The following AFF3 variants were observed in gnomAD, a reference collection of about 807,000 sequenced individuals.
AFF3 encodes AF4/FMR2 family member 3.
AFF3 carries 32 observed loss-of-function variants against 129.7 expected under a neutral mutation model. That is an observed-to-expected ratio of 0.25 (90% CI 0.19 to 0.33). The LOEUF is 0.33. Among genes scored for constraint, AFF3 ranks in the 10% least tolerant of loss-of-function variants. The pLI is 1.00. For synonymous variants in AFF3, 644 were observed against 635.4 expected, an observed-to-expected ratio of 1.01 and a Z score of -0.20; for missense variants, 1,373 against 1,592.0, an observed-to-expected ratio of 0.86 and a Z score of 2.34.
At chr2:100,137,084 T>G (rs1692668141) in intron 1 of AFF3, among the ~76,000 whole-genome samples, 1 of 152,260 alleles carries the variant, frequency 6.6e-6, no homozygotes, top group Non-Finnish European at 1.5e-5. Flanking sequence ...ATTTTACTGC[T>G]GATACAAACA....
intron 22 of AFF3, among the ~76,000 whole-genome samples, chr2:99,557,400 C>T (rs922514666): frequency 1.3e-5 from 2 of 151,992 alleles, no homozygotes; most frequent in African/African-American, 2.4e-5. Flanking sequence ...GTGCCTCAGC[C>T]TCCCTAGTAG....
intron 7 of AFF3, among the ~76,000 whole-genome samples, chr2:99,973,690 T>G (rs1304512392): frequency 1.3e-5 from 2 of 151,318 alleles, no homozygotes; most frequent in Non-Finnish European, 2.9e-5. Flanking sequence ...CCATCTTCAG[T>G]TTTTTTTTCC....
At chr2:99,940,857 A>G (rs560704051) in intron 7 of AFF3, among the ~76,000 whole-genome samples, 1 of 152,302 alleles carries the variant, frequency 6.6e-6, no homozygotes, top group South Asian at 2.1e-4. Flanking sequence ...TGTTAACAAC[A>G]GTGTCGAAAA....
chr2:100,022,348 T>C (rs895061415), intron 4 of AFF3, among the ~76,000 whole-genome samples: 1 of 152,198 alleles, frequency 6.6e-6, no homozygotes, highest in East Asian at 1.9e-4. Flanking sequence ...TGAAGTCTAC[T>C]CTAACAATGT....
At chr2:99,763,435 C>A (rs1682774121) in intron 8 of AFF3, among the ~76,000 whole-genome samples, 1 of 152,178 alleles carries the variant, frequency 6.6e-6, no homozygotes, top group Non-Finnish European at 1.5e-5. Context: ...GTAATCCCAG[C>A]ACTTTGGGAT....
intron 7 of AFF3, chr2:100,006,281 CT>C (rs1242826648): frequency 1.1e-5 from 2 of 177,780 alleles, no homozygotes; most frequent in African/African-American, 4.7e-5. Flanking sequence ...GCTTTTCTTA[CT>C]TCTGAATCAC....
intron 7 of AFF3, among the ~76,000 whole-genome samples, chr2:99,995,242 A>AT (rs1171066588): frequency 2.0e-5 from 3 of 152,100 alleles, no homozygotes; most frequent in African/African-American, 7.2e-5. Flanking sequence ...AAAAGAAAGC[A>AT]TTTTTTCTTG....
intron 8 of AFF3, among the ~76,000 whole-genome samples, chr2:99,757,735 C>A (rs1558821550): frequency 6.6e-6 from 1 of 152,156 alleles, no homozygotes; most frequent in African/African-American, 2.4e-5. Flanking sequence ...CCTGAATATA[C>A]CACGCTTTGC....
intron 4 of AFF3, among the ~76,000 whole-genome samples, chr2:100,073,931 A>T (rs1173200668): frequency 6.6e-6 from 1 of 152,012 alleles, no homozygotes; most frequent in Non-Finnish European, 1.5e-5. Flanking sequence ...AAATTGTTAA[A>T]TTACAAAAAA....
At chr2:99,740,136 G>A (rs9798375) in intron 10 of AFF3, among the ~76,000 whole-genome samples, 110,914 of 150,732 alleles carry the variant, frequency 0.74, 41,626 homozygotes, top group East Asian at 0.92. Flanking sequence ...TACAAAGGAC[G>A]TGAACTCATC....
At chr2:99,854,083 T>C (rs1027913403) in intron 7 of AFF3, among the ~76,000 whole-genome samples, 3 of 152,184 alleles carry the variant, frequency 2.0e-5, no homozygotes, top group African/African-American at 7.2e-5. Context: ...TCCTTTTGTA[T>C]CTGGATCATA....
At chr2:99,961,085 T>C (rs1677168165) in intron 7 of AFF3, among the ~76,000 whole-genome samples, 1 of 152,150 alleles carries the variant, frequency 6.6e-6, no homozygotes, top group African/African-American at 2.4e-5. Context: ...CTGTGGAGCT[T>C]CAGTCATCAT....
chr2:99,563,810 CAAA>C (rs34843347), intron 20 of AFF3, among the ~76,000 whole-genome samples: 1 of 76,074 alleles, frequency 1.3e-5, no homozygotes, highest in Non-Finnish European at 2.4e-5. Context: ...AATTTAGTCT[CAAA>C]AAAAAAAAAA....
rs76541495 is a variant in AFF3 at position 99,812,546 on chromosome 2, A to G, written c.921+24931T>C. On this transcript the variant is annotated intron_variant, in intron 8 of 24. Transcript: ENST00000672756. ...CAGTCATATTGATGACAGATACGAA[A>G]AAACATGGTCGTTGGTATCATAGAG... 4.3e-3 allele frequency among the ~76,000 whole-genome samples: 651 copies of G among 152,352 alleles called. 7 individuals carry two copies. Among genetic ancestry groups the G allele is most frequent in the African/African-American group, 0.015 (622 of 41,590 alleles).
chr2:100,127,517 C>T (rs1299821162), intron 2 of AFF3, among the ~76,000 whole-genome samples: 1 of 152,204 alleles, frequency 6.6e-6, no homozygotes, highest in Non-Finnish European at 1.5e-5. Flanking sequence ...CCTGTGGAGT[C>T]CCTGACCTCC....
chr2:100,139,307 TA>T (rs1296999104), intron 1 of AFF3, among the ~76,000 whole-genome samples: 2 of 152,214 alleles, frequency 1.3e-5, no homozygotes, highest in African/African-American at 4.8e-5. Context: ...TCATTCCATT[TA>T]ACATGTCCCC....
rs1049786804 is a variant in AFF3, at chr2:100,030,331, G to A, written c.54-21399C>T. Among the ~76,000 whole-genome samples, 4 of 152,104 alleles carry A rather than the reference G, an allele frequency of 2.6e-5. No homozygotes were observed. In the South Asian group the frequency reaches 6.2e-4, roughly 24 times the overall value. ...TTAGGGAGTTGCAAAATAAAACAACGAGATACCGCTACACACCTATTGTGA... is the reference window on the plus strand; with the variant it reads ...TTAGGGAGTTGCAAAATAAAACAACAAGATACCGCTACACACCTATTGTGA... On this transcript the variant is annotated intron_variant, in intron 4 of 24. Transcript: ENST00000672756.
chr2:100,132,288 T>C (rs1692456051), intron 1 of AFF3, among the ~76,000 whole-genome samples: 1 of 152,190 alleles, frequency 6.6e-6, no homozygotes, highest in Admixed American at 6.5e-5. Flanking sequence ...TACATATGAA[T>C]ACATATGTTA....
At chr2:99,662,911 TTTATTCAGAC>T (rs1200710270) in intron 12 of AFF3, among the ~76,000 whole-genome samples, 2 of 152,186 alleles carry the variant, frequency 1.3e-5, no homozygotes, top group African/African-American at 4.8e-5. Flanking sequence ...AATGATTCTA[TTTATTCAGAC>T]TTGGCTGCCT....
Sources: gnomAD v4.1 joint callset for allele counts (sites outside exome capture counted in the v4.1 genomes callset) on GRCh38, gnomAD v4.1.1 for gene constraint, MANE v1.5 for transcripts, NCBI Gene and HGNC (gene_info 2026-07-23, HGNC 2026-07-21) for gene names.